FADS6: variants seen among roughly 807,000 people sequenced by gnomAD.
FADS6 encodes fatty acid desaturase 6.
Under a neutral mutation model 31.7 loss-of-function variants are expected in FADS6, and 28 were observed. The ratio of observed to expected loss-of-function variants is 0.88; its 90% CI spans 0.66 to 1.21. The LOEUF is 1.21. Among genes scored for constraint, FADS6 ranks in the 50% most tolerant of loss-of-function variants. The pLI is 0.00. For synonymous variants in FADS6, 191 were observed against 213.1 expected (o/e 0.90, Z 0.90); for missense variants, 494 against 504.2 (o/e 0.98, Z 0.19).
chr17:74,879,926 A>T (rs2038549629), intron 4 of FADS6, among the ~76,000 whole-genome samples: 1 of 152,186 alleles, frequency 6.6e-6, no homozygotes. Flanking sequence ...TCTGTTCACC[A>T]GTCAAGATCC....
At chr17:74,881,282 G>C in intron 3 of FADS6, 27 bp from the exon 4 acceptor site, 1 of 1,562,716 alleles carries the variant, frequency 6.4e-7, no homozygotes, top group Non-Finnish European at 8.7e-7. Context: ...GGACAGGCAA[G>C]GCTCAGATCC....
chr17:74,876,550 A>G (rs796184235), downstream of FADS6, among the ~76,000 whole-genome samples: 3 of 152,146 alleles, frequency 2.0e-5, no homozygotes, highest in African/African-American at 7.2e-5. Context: ...TAATCCTAGC[A>G]CTTTGGGAGG....
intron 2 of FADS6, among the ~76,000 whole-genome samples, chr17:74,892,095 C>T (rs1433728344): frequency 1.3e-5 from 2 of 152,142 alleles, no homozygotes; most frequent in Non-Finnish European, 2.9e-5. Context: ...GAGCTGACCC[C>T]GGGGAGCAGG....
chr17:74,886,813 A>G (rs985552932), intron 2 of FADS6, among the ~76,000 whole-genome samples: 7 of 151,822 alleles, frequency 4.6e-5, no homozygotes, highest in African/African-American at 1.5e-4. Context: ...ACTGCTTCCC[A>G]CAGCCTTTGT....
rs989765764 is a variant in FADS6, at chr17:74,885,311, A to T, written c.412-2601T>A. 4.3e-3 allele frequency among the ~76,000 whole-genome samples: 602 copies of T among 140,376 alleles called. 4 individuals carry two copies. The highest frequency in any genetic ancestry group is 9.1e-3 in the African/African-American group (354 of 38,874). The allele number at this position is 140,376 out of a possible 152,430, so 92.1% of individuals were successfully genotyped here. ...TTTTTTAAGAAAACCACAAAAAAAAAAAATAAATAAATAAATATTACATTT... is the reference window on the plus strand; with the variant it reads ...TTTTTTAAGAAAACCACAAAAAAAATAAATAAATAAATAAATATTACATTT... On this transcript the variant is annotated intron_variant, in intron 2 of 5. Coordinates refer to ENST00000612771, the MANE Select transcript of FADS6 (RefSeq NM_178128.6).
At chr17:74,883,584 C>T (rs2038595736) in intron 2 of FADS6, among the ~76,000 whole-genome samples, 2 of 152,220 alleles carry the variant, frequency 1.3e-5, no homozygotes, top group African/African-American at 4.8e-5. Flanking sequence ...CGCACACTTC[C>T]TGAGGGCGGT....
At chr17:74,881,315 C>T in intron 3 of FADS6, 60 bp from the exon 4 acceptor site, 1 of 1,467,264 alleles carries the variant, frequency 6.8e-7, no homozygotes, top group Non-Finnish European at 9.1e-7. Context: ...TCCCTGCTGG[C>T]TCAAGCGTGC....
At chr17:74,888,012 TTGTA>T (rs2038642061) in intron 2 of FADS6, among the ~76,000 whole-genome samples, 1 of 152,072 alleles carries the variant, frequency 6.6e-6, no homozygotes. Context: ...TTGATGTCAT[TTGTA>T]TGTGTCTTTT....
Position 74,892,631 on chromosome 17 carries a change from C to T in FADS6, c.303G>A (p.Leu101=). The part of the protein sequence containing the change: ...ALVFASGITI[L]GVCHYTLTVK... Reference sequence around the variant, plus strand: ...CAGTGAGTGTGTAGTGGCACACACCCAAGATGGTGATGCCGGATGCAAAGA... The same window carrying T: ...CAGTGAGTGTGTAGTGGCACACACCTAAGATGGTGATGCCGGATGCAAAGA... The change falls in exon 2 of 6, where the codon TTG becomes TTA. Residue 101 remains leucine, a synonymous_variant. Coordinates refer to ENST00000612771, the MANE Select transcript of FADS6 (RefSeq NM_178128.6). 6.2e-7 allele frequency: 1 copy of T among 1,613,360 alleles called. No individual in the cohort carries two copies. Among genetic ancestry groups the T allele is most frequent in the Non-Finnish European group, 8.5e-7 (1 of 1,179,662 alleles).
chr17:74,888,308 T>C (rs577922681), intron 2 of FADS6, among the ~76,000 whole-genome samples: 3 of 152,268 alleles, frequency 2.0e-5, no homozygotes, highest in East Asian at 1.9e-4. Context: ...TCTATAATTA[T>C]TTTAAAAATA....
At chr17:74,891,516 G>T (rs1421783024) in intron 2 of FADS6, among the ~76,000 whole-genome samples, 2 of 151,978 alleles carry the variant, frequency 1.3e-5, no homozygotes, top group African/African-American at 2.4e-5. Flanking sequence ...AGTCTGGCCG[G>T]GACTAATGCT....
chr17:74,881,098 G>T lies in FADS6; in HGVS notation c.750C>A (p.Ala250=). Residue 250 remains alanine, a synonymous_variant, in exon 4 of 6, where the codon GCC becomes GCA. Coordinates refer to ENST00000612771, the MANE Select transcript of FADS6 (RefSeq NM_178128.6). ...GCMFLTRSLL[A]HPYLHVNIFQ... The stretch of plus-strand genomic sequence containing the variant: ...AGATGTTGACGTGGAGGTAGGGGTG[G>T]GCCAACAGGGATCTGGTGAGGAACA... The T allele has an allele frequency of 6.2e-7, 1 of 1,613,618 alleles. No homozygotes were observed. The highest frequency in any genetic ancestry group is 8.5e-7 in the Non-Finnish European group (1 of 1,179,754).
intron 1 of FADS6, 70 bp from the exon 2 acceptor site, chr17:74,892,759 C>A: frequency 6.9e-7 from 1 of 1,451,032 alleles, no homozygotes; most frequent in Non-Finnish European, 9.2e-7. Flanking sequence ...ATACCTCAAC[C>A]CTTACCCTGG....
downstream of FADS6, among the ~76,000 whole-genome samples, chr17:74,875,366 T>C (rs1211257977): frequency 6.6e-6 from 1 of 152,218 alleles, no homozygotes; most frequent in African/African-American, 2.4e-5. Context: ...TATGTCTCTG[T>C]AGATTAGACC....
intron 3 of FADS6, among the ~76,000 whole-genome samples, chr17:74,881,616 C>G (rs1211375610): frequency 1.3e-5 from 2 of 151,516 alleles, no homozygotes; most frequent in African/African-American, 4.8e-5. Flanking sequence ...CTCCCAAGCT[C>G]GGGTGATCCT....
chr17:74,892,934 A>G (rs2038707647), intron 1 of FADS6, among the ~76,000 whole-genome samples: 1 of 152,048 alleles, frequency 6.6e-6, no homozygotes, highest in African/African-American at 2.4e-5. Flanking sequence ...CAGCCAAAGC[A>G]ATGTTGGGGC....
At chr17:74,883,888 G>A (rs976994602) in intron 2 of FADS6, among the ~76,000 whole-genome samples, 5 of 152,158 alleles carry the variant, frequency 3.3e-5, no homozygotes, top group South Asian at 4.1e-4. Context: ...GGCTAGTCTC[G>A]AACTCCTGGC....
At chr17:74,883,492 A>G (rs560209619) in intron 2 of FADS6, among the ~76,000 whole-genome samples, 10 of 152,252 alleles carry the variant, frequency 6.6e-5, no homozygotes, top group Admixed American at 5.2e-4. Context: ...AAAGTTTCCC[A>G]ATACCAGTCA....
chr17:74,891,331 C>T (rs745581870), intron 2 of FADS6, among the ~76,000 whole-genome samples: 7 of 152,046 alleles, frequency 4.6e-5, no homozygotes, highest in Non-Finnish European at 8.8e-5. Context: ...AGCCACCGCG[C>T]GCAGCCTCAG....
Sources: gnomAD v4.1 joint callset for allele counts (sites outside exome capture counted in the v4.1 genomes callset) on GRCh38, gnomAD v4.1.1 for gene constraint, MANE v1.5 for transcripts, NCBI Gene and HGNC (gene_info 2026-07-23, HGNC 2026-07-21) for gene names.